The following PVT1 variants were observed in gnomAD, a reference collection of about 807,000 sequenced individuals.
The protein encoded by PVT1 is Pvt1 oncogene, also known as CXCR4/PVT1 fusion.
intron 4 of PVT1, among the ~76,000 whole-genome samples, chr8:128,024,460 A>C (rs1817470983): frequency 8.3e-6 from 1 of 120,706 alleles, no homozygotes; most frequent in Non-Finnish European, 1.6e-5. Flanking sequence ...CTGTTTCTAC[A>C]AAAAAAATAA....
At chr8:128,015,938 G>A (rs1817368081) in intron 4 of PVT1, among the ~76,000 whole-genome samples, 1 of 152,016 alleles carries the variant, frequency 6.6e-6, no homozygotes, top group Non-Finnish European at 1.5e-5. Context: ...AGGAGAGAAG[G>A]CACACCACTT....
chr8:127,942,358 C>T (rs1816363490), intron 3 of PVT1, among the ~76,000 whole-genome samples: 1 of 152,180 alleles, frequency 6.6e-6, no homozygotes, highest in African/African-American at 2.4e-5. Context: ...GGAAAGAAAT[C>T]AGGTGTGATT....
At chr8:128,012,292 TTACTC>T (rs758291533) in intron 4 of PVT1, among the ~76,000 whole-genome samples, 6 of 152,204 alleles carry the variant, frequency 3.9e-5, no homozygotes, top group African/African-American at 4.8e-5. Flanking sequence ...ACTGTACTCT[TTACTC>T]TACTCAGTCT....
At chr8:128,025,919 A>G (rs1178197458) in intron 4 of PVT1, among the ~76,000 whole-genome samples, 2 of 151,318 alleles carry the variant, frequency 1.3e-5, no homozygotes, top group Admixed American at 1.3e-4. Flanking sequence ...CAGAGACTGG[A>G]GCCCAGATCT....
intron 2 of PVT1, among the ~76,000 whole-genome samples, chr8:127,842,267 T>C (rs1586402601): frequency 6.6e-6 from 1 of 151,652 alleles, no homozygotes; most frequent in East Asian, 1.9e-4. Flanking sequence ...TTTTTTTTTT[T>C]TTTTTAAGAA....
Position 127,912,419 on chromosome 8 carries a change from G to A in PVT1, n.782+21421G>A, listed in dbSNP as rs181132784. On this transcript the variant is annotated intron_variant and non_coding_transcript_variant, in intron 3 of 10. Coordinates refer to ENST00000651587, the Ensembl canonical transcript of PVT1. ...TAAGTAATCTGCCAAAGATCCCTTG[G>A]CAAGTAAGTGGCTAAGGGGGGATTG... Among the ~76,000 whole-genome samples, 376 of 152,256 alleles carry A rather than the reference G, an allele frequency of 2.5e-3. 2 individuals are homozygous for A. The highest frequency in any genetic ancestry group is 8.7e-3 in the South Asian group (42 of 4,818).
At chr8:127,801,930 T>C (rs1814469489) in intron 2 of PVT1, among the ~76,000 whole-genome samples, 1 of 142,800 alleles carries the variant, frequency 7.0e-6, no homozygotes, top group African/African-American at 2.6e-5. Flanking sequence ...ATTTATTTAT[T>C]TACTGAGACA....
At chr8:127,918,088 A>G (rs953683386) in intron 3 of PVT1, among the ~76,000 whole-genome samples, 3 of 152,224 alleles carry the variant, frequency 2.0e-5, no homozygotes, top group African/African-American at 7.2e-5. Context: ...TGCGCTCTGC[A>G]GCGCTGCCTT....
At chr8:127,811,595 T>C (rs774862721) in intron 2 of PVT1, among the ~76,000 whole-genome samples, 1 of 152,260 alleles carries the variant, frequency 6.6e-6, no homozygotes, top group Admixed American at 6.5e-5. Context: ...AATGCTATTC[T>C]GAATTGCTTC....
intron 5 of PVT1, among the ~76,000 whole-genome samples, chr8:128,086,345 C>T (rs1009855338): frequency 1.3e-5 from 2 of 152,144 alleles, no homozygotes; most frequent in African/African-American, 2.4e-5. Flanking sequence ...GCAGGCTTGA[C>T]GTTAAGTGTT....
At chr8:128,011,667 C>T (rs563423299) in intron 4 of PVT1, among the ~76,000 whole-genome samples, 4 of 152,074 alleles carry the variant, frequency 2.6e-5, no homozygotes, top group East Asian at 1.9e-4. Flanking sequence ...AAACTAGGGC[C>T]GTCTTAGCTT....
At chr8:128,029,879 T>A (rs1813369360) in intron 4 of PVT1, among the ~76,000 whole-genome samples, 1 of 152,200 alleles carries the variant, frequency 6.6e-6, no homozygotes, top group Non-Finnish European at 1.5e-5. Context: ...GAGGTTGAGA[T>A]GGGAGGATTG....
intron 4 of PVT1, among the ~76,000 whole-genome samples, chr8:128,025,983 GCT>G (rs1438046899): frequency 1.3e-5 from 2 of 150,576 alleles, no homozygotes; most frequent in Non-Finnish European, 3.0e-5. Context: ...ACAGACTCTT[GCT>G]CTGTTGTCCA....
chr8:128,077,666 G>T (rs908849430), intron 5 of PVT1, among the ~76,000 whole-genome samples: 2 of 152,152 alleles, frequency 1.3e-5, no homozygotes, highest in African/African-American at 4.8e-5. Flanking sequence ...AATGGTGATC[G>T]TTTCCATTTA....
intron 2 of PVT1, among the ~76,000 whole-genome samples, chr8:127,848,015 G>C (rs562770357): frequency 6.6e-6 from 1 of 152,092 alleles, no homozygotes; most frequent in Non-Finnish European, 1.5e-5. Context: ...TCTTGATTGC[G>C]TATCTTTGGG....
chr8:127,961,364 C>T (rs998023192), intron 3 of PVT1, among the ~76,000 whole-genome samples: 4 of 152,110 alleles, frequency 2.6e-5, no homozygotes, highest in East Asian at 1.9e-4. Flanking sequence ...TCCCTGAACG[C>T]GGTGCACGAA....
intron 4 of PVT1, among the ~76,000 whole-genome samples, chr8:128,043,699 G>C (rs776580953): frequency 6.6e-6 from 1 of 151,642 alleles, no homozygotes; most frequent in Non-Finnish European, 1.5e-5. Flanking sequence ...GGAGATCTTT[G>C]TGTGTCCGTA....
At chr8:127,848,427 T>C (rs1191064418) in intron 2 of PVT1, among the ~76,000 whole-genome samples, 1 of 152,150 alleles carries the variant, frequency 6.6e-6, no homozygotes, top group Non-Finnish European at 1.5e-5. Context: ...CTCACGCCTG[T>C]AATCCCAGCA....
intron 4 of PVT1, among the ~76,000 whole-genome samples, chr8:128,061,491 T>G (rs1411530149): frequency 6.6e-6 from 1 of 152,208 alleles, no homozygotes; most frequent in Non-Finnish European, 1.5e-5. Context: ...TGGAGGTATG[T>G]TTTCATTTGT....
Sources: allele counts gnomAD v4.1 joint callset (sites outside exome capture counted in the v4.1 genomes callset), GRCh38; gene constraint gnomAD v4.1.1; transcripts MANE v1.5; gene names NCBI Gene and HGNC (gene_info 2026-07-23, HGNC 2026-07-21).